Variants in COL24A1 observed in about 807,000 individuals in gnomAD.
COL24A1 encodes the protein collagen type XXIV alpha 1 chain.
In COL24A1, 224 loss-of-function variants were observed where a neutral mutation model predicts 253.9. The observed-to-expected ratio is 0.88, with a 90% CI of 0.79 to 0.99. The LOEUF is 0.99. Ranked by LOEUF, COL24A1 falls within the 50% of genes least tolerant of loss-of-function variation. The pLI is 0.00. For missense variants in COL24A1, 2,131 were observed against 2,068.5 expected (o/e 1.03, Z -0.59); for synonymous variants, 685 against 673.7 (o/e 1.02, Z -0.26).
chr1:86,000,013 A>T (rs1011441964), intron 19 of COL24A1, among the ~76,000 whole-genome samples: 1 of 152,218 alleles, frequency 6.6e-6, no homozygotes, highest in African/African-American at 2.4e-5. Flanking sequence ...AAAAAACTGT[A>T]TCAGCTAGCC....
intron 45 of COL24A1, among the ~76,000 whole-genome samples, chr1:85,823,098 A>G (rs1379645595): frequency 6.6e-6 from 1 of 152,180 alleles, no homozygotes; most frequent in Non-Finnish European, 1.5e-5. Flanking sequence ...TACCTATTGT[A>G]ATAGTCATGA....
chr1:86,036,248 G>A (rs1453517862), intron 12 of COL24A1, among the ~76,000 whole-genome samples: 3 of 151,822 alleles, frequency 2.0e-5, no homozygotes, highest in South Asian at 2.1e-4. Context: ...TCAGCCTCCC[G>A]TAGTGTTGGG....
intron 37 of COL24A1, among the ~76,000 whole-genome samples, chr1:85,868,193 G>A (rs548572189): frequency 6.6e-6 from 1 of 152,066 alleles, no homozygotes; most frequent in Non-Finnish European, 1.5e-5. Flanking sequence ...CTGGAGCTGC[G>A]ATATTACTCT....
At chr1:86,134,448 C>T (rs1378294002) in intron 2 of COL24A1, among the ~76,000 whole-genome samples, 1 of 147,002 alleles carries the variant, frequency 6.8e-6, no homozygotes, top group Non-Finnish European at 1.5e-5. Context: ...GTTAGGATGT[C>T]AATTTTAGAT....
At chr1:86,118,866 G>T (rs1464295086) in intron 3 of COL24A1, among the ~76,000 whole-genome samples, 1 of 152,018 alleles carries the variant, frequency 6.6e-6, no homozygotes, top group Non-Finnish European at 1.5e-5. Flanking sequence ...ACTAATAAAA[G>T]ACACAGTCAT....
chr1:85,893,599 C>G (rs60642549), intron 31 of COL24A1, among the ~76,000 whole-genome samples: 1,800 of 152,144 alleles, frequency 0.012, 28 homozygotes, highest in African/African-American at 0.04. Context: ...TCCTGATTTT[C>G]TTTTGAGTCA....
intron 24 of COL24A1, among the ~76,000 whole-genome samples, chr1:85,917,023 A>C (rs1043748312): frequency 6.6e-6 from 1 of 152,222 alleles, no homozygotes; most frequent in Non-Finnish European, 1.5e-5. Context: ...GATTAACTAA[A>C]ATGCATTCAT....
intron 26 of COL24A1, 49 bp from the exon 27 acceptor site, chr1:85,908,700 A>AC (rs1256777047): frequency 2.5e-6 from 2 of 790,182 alleles, no homozygotes; most frequent in Non-Finnish European, 3.8e-6. Flanking sequence ...ATGACTTTAA[A>AC]TTATTTTCAT....
intron 47 of COL24A1, among the ~76,000 whole-genome samples, chr1:85,799,142 C>T (rs1478217041): frequency 6.7e-6 from 1 of 150,102 alleles, no homozygotes; most frequent in African/African-American, 2.5e-5. Flanking sequence ...GTTACAGTCA[C>T]ATGATCTTGA....
At chr1:85,813,202 T>C (rs943082859) in intron 47 of COL24A1, among the ~76,000 whole-genome samples, 13 of 151,940 alleles carry the variant, frequency 8.6e-5, no homozygotes, top group African/African-American at 2.9e-4. Flanking sequence ...AAACCTGTAG[T>C]ATATTTTTGG....
At chr1:85,857,392 C>T (rs1678552949) in intron 37 of COL24A1, among the ~76,000 whole-genome samples, 1 of 141,296 alleles carries the variant, frequency 7.1e-6, no homozygotes, top group African/African-American at 2.7e-5. Context: ...CAACAGACCT[C>T]AGAGACATCT....
rs985653643 is a variant in COL24A1 at position 86,028,683 on chromosome 1, T to C, written c.2049+3195A>G. ...GACTAATACAGTTATCATTAGCCAT[T>C]TCCTTTTCTGTAGAATCTCTTCCCA... On this transcript the variant is annotated intron_variant, in intron 14 of 59. Transcript: ENST00000370571. 2.6e-5 allele frequency among the ~76,000 whole-genome samples: 4 copies of C among 152,232 alleles called. No homozygotes were observed. The East Asian group carries it at 7.7e-4, about 29-fold the overall frequency.
At position 85,936,425 on chromosome 1, in the gene COL24A1, AG is replaced by A. The variant is rs1688253436; in HGVS notation, c.2562+24823del. 1.4e-5 allele frequency among the ~76,000 whole-genome samples: 2 copies of A among 147,520 alleles called. 1 individual carries two copies. Among genetic ancestry groups the A allele is most frequent in the East Asian group, 4.2e-4 (2 of 4,740 alleles). On this transcript the variant is annotated intron_variant, in intron 24 of 59. Transcript: ENST00000370571. The stretch of plus-strand genomic sequence containing the variant: ...ACTTGCTGCACCTGATATAGGCAGA[AG>A]GGACTATGACCCAAGGGGATAAAAG...
At chr1:85,910,676 T>C (rs951814658) in intron 25 of COL24A1, among the ~76,000 whole-genome samples, 1 of 151,976 alleles carries the variant, frequency 6.6e-6, no homozygotes, top group African/African-American at 2.4e-5. Flanking sequence ...ATTAAGTATG[T>C]AGTATTTAAG....
chr1:85,768,915 A>G (rs148784422), intron 53 of COL24A1, among the ~76,000 whole-genome samples: 2 of 152,240 alleles, frequency 1.3e-5, no homozygotes, highest in African/African-American at 4.8e-5. Context: ...GGTAACAACG[A>G]TGGTAGGTAG....
intron 31 of COL24A1, among the ~76,000 whole-genome samples, chr1:85,890,802 GGCACAGGA>G (rs1558547327): frequency 6.6e-6 from 1 of 152,106 alleles, no homozygotes; most frequent in Non-Finnish European, 1.5e-5. Context: ...ACCCTGGCAA[GGCACAGGA>G]GTCTTGGAAC....
At chr1:86,043,166 A>C (rs1167891771) in intron 12 of COL24A1, among the ~76,000 whole-genome samples, 2 of 152,168 alleles carry the variant, frequency 1.3e-5, no homozygotes, top group Non-Finnish European at 2.9e-5. Flanking sequence ...GATTTCTCTA[A>C]AAATATCTAC....
intron 21 of COL24A1, among the ~76,000 whole-genome samples, chr1:85,970,769 A>G (rs1187296758): frequency 2.0e-5 from 3 of 152,208 alleles, no homozygotes; most frequent in Non-Finnish European, 4.4e-5. Flanking sequence ...GTAGTCACAA[A>G]TAGTAAATAT....
At chr1:85,822,979 C>T (rs1363496192) in intron 45 of COL24A1, among the ~76,000 whole-genome samples, 1 of 152,116 alleles carries the variant, frequency 6.6e-6, no homozygotes, top group African/African-American at 2.4e-5. Context: ...TTTCCATTCA[C>T]TCATACTCAA....
Sources: gnomAD v4.1 joint callset for allele counts (sites outside exome capture counted in the v4.1 genomes callset) on GRCh38, gnomAD v4.1.1 for gene constraint, MANE v1.5 for transcripts, NCBI Gene and HGNC (gene_info 2026-07-23, HGNC 2026-07-21) for gene names.